C10orf90: variants seen among roughly 807,000 people sequenced by gnomAD.
The protein encoded by C10orf90 is (E2-independent) E3 ubiquitin-conjugating enzyme FATS.
A neutral mutation model predicts 62.5 loss-of-function variants in C10orf90; 56 were observed. The observed-to-expected ratio is 0.90, with a 90% CI of 0.72 to 1.12. The LOEUF (loss-of-function observed/expected upper bound fraction) is 1.12. C10orf90 is among the 50% of genes most tolerant of loss of function. C10orf90 has a pLI of 0.00. For synonymous variants in C10orf90, 386 were observed against 340.4 expected (o/e 1.13, Z -1.47); for missense variants, 970 against 880.4 (o/e 1.10, Z -1.29).
chr10:126,614,446 A>G (rs1845499655), intron 2 of C10orf90, among the ~76,000 whole-genome samples: 1 of 152,230 alleles, frequency 6.6e-6, no homozygotes, highest in African/African-American at 2.4e-5. Context: ...AAGCATTAAA[A>G]AAAGCCTATG....
chr10:126,611,602 C>T (rs1041900750), intron 2 of C10orf90, among the ~76,000 whole-genome samples: 2 of 152,212 alleles, frequency 1.3e-5, no homozygotes, highest in Non-Finnish European at 2.9e-5. Context: ...TACATTTCCA[C>T]CAGCAGTGTA....
chr10:126,633,899 T>C (rs921309277), intron 2 of C10orf90, among the ~76,000 whole-genome samples: 7 of 152,322 alleles, frequency 4.6e-5, no homozygotes, highest in South Asian at 4.1e-4. Context: ...TCATTACTCA[T>C]TGGGGAAATT....
chr10:126,454,733 A>G (rs961974290), intron 7 of C10orf90, among the ~76,000 whole-genome samples: 119 of 152,228 alleles, frequency 7.8e-4, no homozygotes, highest in African/African-American at 2.7e-3. Flanking sequence ...TCATCCTGTA[A>G]GGCAGAGCAA....
intron 2 of C10orf90, among the ~76,000 whole-genome samples, chr10:126,585,549 G>T (rs1056230883): frequency 7.5e-5 from 10 of 134,062 alleles, no homozygotes; most frequent in African/African-American, 2.8e-4. Flanking sequence ...GAGGGAGAAA[G>T]GGTGGGAGAG....
chr10:126,517,626 T>C (rs370741980), intron 2 of C10orf90, among the ~76,000 whole-genome samples: 5 of 151,980 alleles, frequency 3.3e-5, no homozygotes, highest in African/African-American at 1.2e-4. Context: ...AATACAAAGG[T>C]TGGGGCCAGG....
At chr10:126,639,273 T>C (rs556261338) in intron 2 of C10orf90, among the ~76,000 whole-genome samples, 1 of 152,160 alleles carries the variant, frequency 6.6e-6, no homozygotes, top group Non-Finnish European at 1.5e-5. Flanking sequence ...TCTTGCTCTG[T>C]GGTTGCAGGA....
intron 4 of C10orf90, among the ~76,000 whole-genome samples, chr10:126,476,908 CTT>C (rs10590718): frequency 0.031 from 3,708 of 120,718 alleles, 104 homozygotes; most frequent in African/African-American, 0.086. Flanking sequence ...CACCATTTTC[CTT>C]TTTTTTTTTT....
intron 2 of C10orf90, among the ~76,000 whole-genome samples, chr10:126,537,537 T>C (rs1412276899): frequency 1.3e-5 from 2 of 152,310 alleles, no homozygotes; most frequent in East Asian, 3.9e-4. Context: ...CTTTGACCAA[T>C]GCAAAAGCCT....
At chr10:126,490,443 A>T (rs1161988525) in intron 4 of C10orf90, among the ~76,000 whole-genome samples, 1 of 151,298 alleles carries the variant, frequency 6.6e-6, no homozygotes, top group Non-Finnish European at 1.5e-5. Context: ...TTTAATGGGG[A>T]GTTAGTGTTT....
chr10:126,653,267 A>G (rs1055700414), intron 1 of C10orf90, among the ~76,000 whole-genome samples: 1 of 152,224 alleles, frequency 6.6e-6, no homozygotes, highest in African/African-American at 2.4e-5. Flanking sequence ...TCTCTGTAGC[A>G]TGTGAAGTTG....
intron 1 of C10orf90, among the ~76,000 whole-genome samples, chr10:126,661,806 C>CT (rs35056494): frequency 1.1e-4 from 17 of 151,404 alleles, no homozygotes; most frequent in Non-Finnish European, 2.1e-4. Context: ...TCAAGAAGTT[C>CT]TTTTTTAAAA....
At chr10:126,608,852 A>G (rs2133797854) in intron 2 of C10orf90, among the ~76,000 whole-genome samples, 1 of 152,368 alleles carries the variant, frequency 6.6e-6, no homozygotes, top group Non-Finnish European at 1.5e-5. Context: ...ATGAGTCAAC[A>G]AACTAATACT....
chr10:126,644,230 G>A (rs974285652), intron 2 of C10orf90, among the ~76,000 whole-genome samples: 10 of 152,062 alleles, frequency 6.6e-5, no homozygotes, highest in African/African-American at 1.4e-4. Context: ...TCTGCCTTTC[G>A]GCCGTAAACC....
At chr10:126,505,112 T>C (rs1391339025) in intron 3 of C10orf90, 27 bp from the exon 4 acceptor site, 1 of 1,580,046 alleles carries the variant, frequency 6.3e-7, no homozygotes, top group African/African-American at 1.4e-5. Flanking sequence ...ATCCCGATTA[T>C]TCAAGCAGTC....
chr10:126,575,877 G>T (rs1273838086), intron 2 of C10orf90, among the ~76,000 whole-genome samples: 1 of 152,056 alleles, frequency 6.6e-6, no homozygotes, highest in Non-Finnish European at 1.5e-5. Context: ...ATAGGCAGAA[G>T]AATGAAACTA....
intron 7 of C10orf90, among the ~76,000 whole-genome samples, chr10:126,442,633 GTATA>G (rs56368633): frequency 0.011 from 937 of 88,174 alleles, 7 homozygotes; most frequent in Non-Finnish European, 0.014. Flanking sequence ...TTGTGTGTGT[GTATA>G]TATATATATA....
intron 3 of C10orf90, among the ~76,000 whole-genome samples, chr10:126,509,248 C>T (rs549965271): frequency 1.3e-5 from 2 of 152,322 alleles, no homozygotes; most frequent in South Asian, 4.1e-4. Flanking sequence ...GGTGACACTG[C>T]TCCTGAGGCA....
rs528790896 is a variant in C10orf90, at chr10:126,513,168, A to G, written c.405+680T>C. 8.5e-5 allele frequency among the ~76,000 whole-genome samples: 13 copies of G among 152,290 alleles called. No homozygotes were observed. The South Asian group carries it at 2.3e-3, about 27-fold the overall frequency. The stretch of plus-strand genomic sequence containing the variant: ...CATACTGTAAATCTGGTTAACTCAA[A>G]AGGGATTTCCACCATGACAGTCCTT... On this transcript the variant is annotated intron_variant, in intron 3 of 9. Coordinates refer to ENST00000488181, the MANE Select transcript of C10orf90 (RefSeq NM_001350921.2).
chr10:126,462,564 G>A (rs1860056357), intron 5 of C10orf90, among the ~76,000 whole-genome samples: 1 of 152,148 alleles, frequency 6.6e-6, no homozygotes, highest in African/African-American at 2.4e-5. Flanking sequence ...AGGTGGGGTT[G>A]GAAGATCATA....
Sources: allele counts gnomAD v4.1 joint callset (sites outside exome capture counted in the v4.1 genomes callset), GRCh38; gene constraint gnomAD v4.1.1; transcripts MANE v1.5; gene names NCBI Gene and HGNC (gene_info 2026-07-23, HGNC 2026-07-21).